The following SHISA9 variants were observed in gnomAD, a reference collection of about 807,000 sequenced individuals.
SHISA9 encodes shisa family member 9.
Under a neutral mutation model 38.0 loss-of-function variants are expected in SHISA9, and 13 were observed. The ratio of observed to expected loss-of-function variants is 0.34; its 90% confidence interval spans 0.22 to 0.54. SHISA9 has a LOEUF of 0.54. SHISA9 is among the 20% of genes least tolerant of loss of function. The pLI is 0.91. For missense variants in SHISA9, 538 were observed against 575.8 expected, an observed-to-expected ratio of 0.93 and a Z score of 0.67; for synonymous variants, 275 against 242.0, an observed-to-expected ratio of 1.14 and a Z score of -1.27.
intron 2 of SHISA9, among the ~76,000 whole-genome samples, chr16:13,073,384 CACTTGCTAACT>C (rs958710106): frequency 1.3e-5 from 2 of 152,174 alleles, no homozygotes; most frequent in Admixed American, 1.3e-4. Flanking sequence ...AGACATCTGG[CACTTGCTAACT>C]ACCAGAACAC....
intron 2 of SHISA9, among the ~76,000 whole-genome samples, chr16:12,940,523 G>A (rs369906326): frequency 3.9e-4 from 59 of 151,804 alleles, no homozygotes; most frequent in African/African-American, 1.1e-3. Flanking sequence ...TAGACTGTGC[G>A]GTCCAACCCT....
intron 2 of SHISA9, among the ~76,000 whole-genome samples, chr16:13,155,908 C>T (rs8044438): frequency 0.037 from 5,673 of 151,852 alleles, 355 homozygotes; most frequent in African/African-American, 0.13. Context: ...AAACAGTTGC[C>T]GAGGGAGCAA....
chr16:12,913,274 G>A (rs796711764), intron 1 of SHISA9, among the ~76,000 whole-genome samples: 53 of 152,206 alleles, frequency 3.5e-4, no homozygotes, highest in African/African-American at 1.2e-3. Context: ...TCAGCTCACT[G>A]CAATCTCCAC....
intron 2 of SHISA9, among the ~76,000 whole-genome samples, chr16:13,140,317 C>T (rs2050391251): frequency 6.6e-6 from 1 of 151,956 alleles, no homozygotes; most frequent in Non-Finnish European, 1.5e-5. Flanking sequence ...GCTAGGGTCA[C>T]AGGTGCCCAC....
the SHISA9 span, among the ~76,000 whole-genome samples, chr16:13,456,664 A>G: frequency 1.3e-5 from 2 of 152,182 alleles, no homozygotes; most frequent in Non-Finnish European, 2.9e-5. Flanking sequence ...GTGATTTATG[A>G]TGGAGGCTTT....
chr16:13,161,897 T>C (rs1299981770), intron 2 of SHISA9, among the ~76,000 whole-genome samples: 1 of 152,266 alleles, frequency 6.6e-6, no homozygotes, highest in African/African-American at 2.4e-5. Context: ...CTGAAAGTTT[T>C]TTATTGGTGA....
At chr16:13,115,695 G>A (rs746692707) in intron 2 of SHISA9, among the ~76,000 whole-genome samples, 1 of 152,094 alleles carries the variant, frequency 6.6e-6, no homozygotes, top group Non-Finnish European at 1.5e-5. Context: ...TATGCCCCAG[G>A]CACCAAATAA....
At chr16:12,978,706 G>T (rs2072199595) in intron 2 of SHISA9, among the ~76,000 whole-genome samples, 1 of 152,174 alleles carries the variant, frequency 6.6e-6, no homozygotes. Context: ...AGACCATTTG[G>T]TTTCTGTGTT....
chr16:13,374,076 C>T, the SHISA9 span, among the ~76,000 whole-genome samples: 1 of 152,166 alleles, frequency 6.6e-6, no homozygotes, highest in South Asian at 2.1e-4. Flanking sequence ...TGGCCATAAG[C>T]TCTGGAGCAA....
At chr16:13,221,365 G>A (rs1320282184) in intron 4 of SHISA9, among the ~76,000 whole-genome samples, 1 of 150,012 alleles carries the variant, frequency 6.7e-6, no homozygotes, top group Non-Finnish European at 1.5e-5. Flanking sequence ...TCTTGTTTCT[G>A]TCTGCTGAGA....
the SHISA9 span, among the ~76,000 whole-genome samples, chr16:13,403,124 AC>A: frequency 0.012 from 1,859 of 150,980 alleles, 38 homozygotes; most frequent in African/African-American, 0.043. Context: ...AAAAAAAAAA[AC>A]CAAAGAAATT....
chr16:13,323,412 T>C, the SHISA9 span, among the ~76,000 whole-genome samples: 2 of 152,230 alleles, frequency 1.3e-5, no homozygotes, highest in Non-Finnish European at 2.9e-5. Context: ...AGTTTGGCGC[T>C]TGACATGGTT....
the SHISA9 span, among the ~76,000 whole-genome samples, chr16:13,529,721 C>A: frequency 6.6e-6 from 1 of 152,166 alleles, no homozygotes; most frequent in Non-Finnish European, 1.5e-5. Flanking sequence ...GAAAAAACAA[C>A]ACCAACCTAT....
At chr16:13,488,926 A>G in the SHISA9 span, among the ~76,000 whole-genome samples, 1 of 151,724 alleles carries the variant, frequency 6.6e-6, no homozygotes, top group African/African-American at 2.4e-5. Context: ...CGCGCCTGCC[A>G]CCACGCCTGG....
intron 2 of SHISA9, among the ~76,000 whole-genome samples, chr16:13,081,194 G>C (rs1254162867): frequency 1.3e-5 from 2 of 152,156 alleles, no homozygotes; most frequent in Admixed American, 1.3e-4. Flanking sequence ...GCTGTACCTA[G>C]GGATGGATAG....
intron 2 of SHISA9, among the ~76,000 whole-genome samples, chr16:12,929,945 A>G (rs1007575127): frequency 6.6e-6 from 1 of 152,056 alleles, no homozygotes; most frequent in Admixed American, 6.6e-5. Flanking sequence ...TCTTGGGTAA[A>G]CTGTTATCTT....
At chr16:13,444,318 C>A in the SHISA9 span, among the ~76,000 whole-genome samples, 1 of 148,258 alleles carries the variant, frequency 6.7e-6, no homozygotes. Flanking sequence ...TTGCAGTGAG[C>A]TGAGATCACA....
Position 13,083,572 on chromosome 16 carries a change from G to A in SHISA9, c.692-119822G>A, listed in dbSNP as rs76768144. 8.2e-3 allele frequency among the ~76,000 whole-genome samples: 1,250 copies of A among 152,284 alleles called. 15 individuals carry two copies. The highest frequency in any genetic ancestry group is 0.027 in the African/African-American group (1,124 of 41,564). ...GACCAGCTAGGTCAGCTATTCTTCA[G>A]CCTGATTCCATGCGAAGCCCTAAGC... is the stretch of plus-strand genomic sequence containing the variant. On this transcript the variant is annotated intron_variant, in intron 2 of 4. Transcript: ENST00000558583.
At chr16:13,439,926 T>G in the SHISA9 span, among the ~76,000 whole-genome samples, 2 of 152,192 alleles carry the variant, frequency 1.3e-5, no homozygotes, top group African/African-American at 4.8e-5. Flanking sequence ...GGCAGTGATC[T>G]CAGCGATTTA....
Sources: allele counts gnomAD v4.1 joint callset (sites outside exome capture counted in the v4.1 genomes callset), GRCh38; gene constraint gnomAD v4.1.1; transcripts MANE v1.5; gene names NCBI Gene and HGNC (gene_info 2026-07-23, HGNC 2026-07-21).